The following TUSC3 variants were observed in gnomAD, a reference collection of about 807,000 sequenced individuals.
The protein encoded by TUSC3 is tumor suppressor candidate 3.
TUSC3 carries 45 observed loss-of-function variants against 44.8 expected under a neutral mutation model. The ratio of observed to expected loss-of-function variants is 1.00; its 90% CI spans 0.79 to 1.29. TUSC3 has a LOEUF of 1.29. Ranked by LOEUF, TUSC3 falls within the 50% of genes most tolerant of loss-of-function variation. The pLI, the probability that TUSC3 is intolerant of heterozygous loss-of-function variation, is 0.00. For missense variants in TUSC3, 519 were observed against 437.9 expected, an observed-to-expected ratio of 1.19 and a Z score of -1.65; for synonymous variants, 212 against 152.9, an observed-to-expected ratio of 1.39 and a Z score of -2.85.
At chr8:15,816,690 CAA>C in the TUSC3 span, among the ~76,000 whole-genome samples, 6 of 152,158 alleles carry the variant, frequency 3.9e-5, no homozygotes, top group East Asian at 3.9e-4. Context: ...GTACCTAGAA[CAA>C]AAGACATTCA....
chr8:15,653,798 C>A (rs1472151922), intron 3 of TUSC3, among the ~76,000 whole-genome samples: 1 of 152,174 alleles, frequency 6.6e-6, no homozygotes, highest in Non-Finnish European at 1.5e-5. Flanking sequence ...ACTATTAAAT[C>A]ATATTTTGCT....
intron 9 of TUSC3, among the ~76,000 whole-genome samples, chr8:15,753,633 C>T (rs1419041125): frequency 1.3e-5 from 2 of 151,974 alleles, no homozygotes; most frequent in Non-Finnish European, 2.9e-5. Context: ...TCTTTTTATT[C>T]CATTGCATTA....
chr8:15,744,353 G>A (rs1226799804), intron 8 of TUSC3, among the ~76,000 whole-genome samples: 16 of 152,070 alleles, frequency 1.1e-4, no homozygotes, highest in Non-Finnish European at 1.0e-4. Context: ...AAGGACAGTC[G>A]ATTGTTTCCT....
At chr8:15,723,394 T>C (rs1054062068) in intron 6 of TUSC3, among the ~76,000 whole-genome samples, 1 of 152,194 alleles carries the variant, frequency 6.6e-6, no homozygotes. Context: ...ATTTCTCTGT[T>C]GTAATCATTT....
chr8:15,830,143 T>G, the TUSC3 span, among the ~76,000 whole-genome samples: 1 of 149,256 alleles, frequency 6.7e-6, no homozygotes, highest in African/African-American at 2.4e-5. Context: ...AAGAGGTTGT[T>G]AGGTTTTTTT....
At chr8:15,627,354 T>G (rs1329033689) in intron 2 of TUSC3, among the ~76,000 whole-genome samples, 1 of 152,216 alleles carries the variant, frequency 6.6e-6, no homozygotes, top group Non-Finnish European at 1.5e-5. Flanking sequence ...AGCTGCCCAC[T>G]GCAGGTTCCC....
chr8:15,457,131 C>G (rs1011177269), intron 1 of TUSC3, among the ~76,000 whole-genome samples: 2 of 132,882 alleles, frequency 1.5e-5, no homozygotes, highest in Non-Finnish European at 3.0e-5. Context: ...AACACATGGA[C>G]ACAGGAAGGG....
chr8:15,788,564 A>G, the TUSC3 span, among the ~76,000 whole-genome samples: 4 of 151,036 alleles, frequency 2.6e-5, no homozygotes, highest in African/African-American at 7.3e-5. Flanking sequence ...AAAAAAAAAA[A>G]GGAAGTTAAA....
the TUSC3 span, among the ~76,000 whole-genome samples, chr8:15,831,553 A>G: frequency 7.0e-6 from 1 of 142,436 alleles, no homozygotes; most frequent in Non-Finnish European, 1.6e-5. Context: ...AAAGAATTAC[A>G]ACAAAATGAT....
chr8:15,419,440 G>A (rs559745304), intron 1 of TUSC3, among the ~76,000 whole-genome samples: 11 of 152,046 alleles, frequency 7.2e-5, no homozygotes, highest in African/African-American at 1.7e-4. Context: ...TCTTTGAGGC[G>A]CCAGCAATCA....
chr8:15,629,264 A>G (rs776642416), intron 2 of TUSC3, among the ~76,000 whole-genome samples: 4 of 152,094 alleles, frequency 2.6e-5, no homozygotes, highest in African/African-American at 9.7e-5. Context: ...GAAAATTTAT[A>G]TTATAGGATG....
chr8:15,722,997 C>T (rs988233688), intron 6 of TUSC3, among the ~76,000 whole-genome samples: 4 of 152,044 alleles, frequency 2.6e-5, no homozygotes, highest in African/African-American at 9.7e-5. Context: ...ACAAATTTCT[C>T]GTCCTACCAC....
the TUSC3 span, among the ~76,000 whole-genome samples, chr8:15,835,878 G>T: frequency 6.6e-6 from 1 of 151,804 alleles, no homozygotes; most frequent in African/African-American, 2.4e-5. Context: ...TTCTGATATT[G>T]ATGTATTTTT....
the TUSC3 span, among the ~76,000 whole-genome samples, chr8:15,845,485 C>T: frequency 2.0e-5 from 3 of 152,150 alleles, no homozygotes; most frequent in African/African-American, 7.2e-5. Context: ...AAAAGATTAA[C>T]AATCACTGAA....
intron 2 of TUSC3, among the ~76,000 whole-genome samples, chr8:15,497,305 A>T (rs1042264358): frequency 1.3e-5 from 2 of 152,074 alleles, no homozygotes; most frequent in Non-Finnish European, 2.9e-5. Flanking sequence ...GATGTGTAGA[A>T]AGCAGTGGGA....
chr8:15,708,142 C>T (rs1340104205), intron 6 of TUSC3, among the ~76,000 whole-genome samples: 1 of 151,984 alleles, frequency 6.6e-6, no homozygotes, highest in East Asian at 1.9e-4. Context: ...TGGAGGAGGA[C>T]ATCATTCAAC....
At chr8:15,474,474 G>C (rs972414207) in intron 1 of TUSC3, among the ~76,000 whole-genome samples, 10 of 152,120 alleles carry the variant, frequency 6.6e-5, no homozygotes, top group Non-Finnish European at 1.5e-4. Flanking sequence ...TGCAGCTCCA[G>C]TTGGTCCCTC....
chr8:15,733,512 C>G, intron 7 of TUSC3: 1 of 282,420 alleles, frequency 3.5e-6, no homozygotes, highest in Non-Finnish European at 7.1e-6. Flanking sequence ...AGGAATTCTC[C>G]AAGGTTTAAT....
At chr8:15,498,998 G>T (rs1024222920) in intron 2 of TUSC3, among the ~76,000 whole-genome samples, 1 of 152,064 alleles carries the variant, frequency 6.6e-6, no homozygotes, top group Non-Finnish European at 1.5e-5. Context: ...CCTGAGAGTA[G>T]GTAGTTATTT....
Sources: gnomAD v4.1 joint callset for allele counts (sites outside exome capture counted in the v4.1 genomes callset) on GRCh38, gnomAD v4.1.1 for gene constraint, MANE v1.5 for transcripts, NCBI Gene and HGNC (gene_info 2026-07-23, HGNC 2026-07-21) for gene names.